The following FUT9 variants were observed in gnomAD, a reference collection of about 807,000 sequenced individuals.
FUT9 encodes 4-galactosyl-N-acetylglucosaminide 3-alpha-L-fucosyltransferase 9.
Under a neutral mutation model 29.7 loss-of-function variants are expected in FUT9, and 15 were observed. That is an observed-to-expected ratio of 0.51 (90% CI 0.34 to 0.78). The LOEUF is 0.78. Among genes scored for constraint, FUT9 ranks in the 30% least tolerant of loss-of-function variants. The pLI is 0.01. For synonymous variants in FUT9, 169 were observed against 153.7 expected (o/e 1.10, Z -0.74); for missense variants, 319 against 425.4 (o/e 0.75, Z 2.20).
rs1240815638 is a variant in FUT9 at position 96,212,972 on chromosome 6, G to C, written c.*8737G>C. 6.0e-6 allele frequency: 1 copy of C among 166,950 alleles called. No individual in the cohort carries two copies. Among genetic ancestry groups the C allele is most frequent in the African/African-American group, 2.4e-5 (1 of 41,450 alleles). 10.3% of individuals were successfully genotyped at this position (166,950 alleles called of 1,614,324 possible). On this transcript the variant is annotated 3_prime_UTR_variant, in exon 3 of 3. Transcript: ENST00000302103. Reference sequence around the variant, plus strand: ...CATAGATTTTTAATCTGTAAAAGGAGTGTGATGGACTGTACATTAGAAGTA... The same window carrying C: ...CATAGATTTTTAATCTGTAAAAGGACTGTGATGGACTGTACATTAGAAGTA...
At chr6:96,133,850 T>A (rs953816959) in intron 2 of FUT9, among the ~76,000 whole-genome samples, 2 of 151,972 alleles carry the variant, frequency 1.3e-5, no homozygotes, top group African/African-American at 2.4e-5. Flanking sequence ...TTCAAAGATA[T>A]ATTATTTATT....
intron 1 of FUT9, among the ~76,000 whole-genome samples, chr6:96,057,163 T>C (rs1409782594): frequency 6.6e-6 from 1 of 152,180 alleles, no homozygotes; most frequent in Non-Finnish European, 1.5e-5. Flanking sequence ...CCATCAGAAA[T>C]TAAGGGACAT....
chr6:96,146,989 T>G (rs1245771672), intron 2 of FUT9, among the ~76,000 whole-genome samples: 7 of 152,124 alleles, frequency 4.6e-5, no homozygotes, highest in Non-Finnish European at 1.5e-5. Flanking sequence ...ACACAAATGC[T>G]TCTCTTTCAG....
intron 2 of FUT9, among the ~76,000 whole-genome samples, chr6:96,182,545 T>C (rs1326893960): frequency 3.9e-5 from 6 of 152,124 alleles, no homozygotes; most frequent in Non-Finnish European, 7.4e-5. Flanking sequence ...TGAATTTTTA[T>C]AGTTTCAGGT....
At chr6:96,110,854 G>T in intron 1 of FUT9, among the ~76,000 whole-genome samples, 1 of 29,306 alleles carries the variant, frequency 3.4e-5, no homozygotes, top group East Asian at 1.3e-3. Flanking sequence ...GTAGAAACAG[G>T]GTCTAATTAT....
At chr6:96,142,284 A>G (rs1259053288) in intron 2 of FUT9, among the ~76,000 whole-genome samples, 1 of 152,222 alleles carries the variant, frequency 6.6e-6, no homozygotes, top group African/African-American at 2.4e-5. Flanking sequence ...GTAATCTCAT[A>G]TCTTGAGAAA....
chr6:96,046,642 C>T (rs904736998), intron 1 of FUT9, among the ~76,000 whole-genome samples: 3 of 151,990 alleles, frequency 2.0e-5, no homozygotes, highest in Admixed American at 6.6e-5. Flanking sequence ...CATGCCCCTT[C>T]CCACATGTGA....
chr6:96,147,202 C>T (rs2127975357), intron 2 of FUT9, among the ~76,000 whole-genome samples: 1 of 150,746 alleles, frequency 6.6e-6, no homozygotes, highest in East Asian at 2.0e-4. Flanking sequence ...CACTCTGTCG[C>T]CCAGGCTGGA....
chr6:96,191,834 C>T (rs1773516628), intron 2 of FUT9, among the ~76,000 whole-genome samples: 1 of 152,144 alleles, frequency 6.6e-6, no homozygotes, highest in Admixed American at 6.5e-5. Flanking sequence ...TCCAGCAGCA[C>T]ATCAAAAAGC....
chr6:96,173,061 T>C (rs1773141760), intron 2 of FUT9, among the ~76,000 whole-genome samples: 1 of 152,136 alleles, frequency 6.6e-6, no homozygotes, highest in Admixed American at 6.6e-5. Flanking sequence ...AATGCATTTC[T>C]TGTGAGGAAT....
intron 2 of FUT9, among the ~76,000 whole-genome samples, chr6:96,126,836 C>G (rs897945277): frequency 2.6e-5 from 4 of 152,000 alleles, no homozygotes; most frequent in African/African-American, 9.7e-5. Context: ...CATGGCCAGG[C>G]AGTGAATGAG....
intron 2 of FUT9, among the ~76,000 whole-genome samples, chr6:96,118,022 A>T (rs561683211): frequency 6.6e-6 from 1 of 152,182 alleles, no homozygotes; most frequent in East Asian, 1.9e-4. Context: ...CCTGGCCAAC[A>T]CAATGAAAAC....
chr6:96,201,171 G>T (rs1773720359), intron 2 of FUT9, among the ~76,000 whole-genome samples: 1 of 151,714 alleles, frequency 6.6e-6, no homozygotes, highest in African/African-American at 2.4e-5. Context: ...AGTTGTTGTT[G>T]TTTATGAATT....
At chr6:96,185,826 A>G in intron 2 of FUT9, among the ~76,000 whole-genome samples, 1 of 152,118 alleles carries the variant, frequency 6.6e-6, no homozygotes, top group East Asian at 1.9e-4. Context: ...TTGGTAAACT[A>G]AATATTCACA....
chr6:96,029,645 T>C lies in FUT9; in HGVS notation c.-98+13433T>C, dbSNP rs188447064. ...ATTATTTTGCACTTGATATTTGACA[T>C]TTAATTGACAAATTATAAGATATAC... is the stretch of plus-strand genomic sequence containing the variant. On this transcript the variant is annotated intron_variant, in intron 1 of 2. Transcript: ENST00000302103. Among the ~76,000 whole-genome samples the C allele has an allele frequency of 7.9e-5, 12 of 151,690 alleles. No homozygotes were observed. The East Asian group carries it at 1.4e-3, about 17-fold the overall frequency.
At chr6:96,180,455 T>C (rs1031506313) in intron 2 of FUT9, among the ~76,000 whole-genome samples, 1 of 152,060 alleles carries the variant, frequency 6.6e-6, no homozygotes. Context: ...CAGAAACCAG[T>C]GGATGGTCTT....
At chr6:96,031,976 T>C (rs866787933) in intron 1 of FUT9, among the ~76,000 whole-genome samples, 2 of 151,606 alleles carry the variant, frequency 1.3e-5, no homozygotes, top group East Asian at 3.9e-4. Context: ...CTTTCCAGTT[T>C]GCAGTTCTTC....
At chr6:96,130,294 AAT>A (rs1366941953) in intron 2 of FUT9, among the ~76,000 whole-genome samples, 1 of 152,106 alleles carries the variant, frequency 6.6e-6, no homozygotes, top group Non-Finnish European at 1.5e-5. Flanking sequence ...TAATTTTATA[AAT>A]ATTATAAGAA....
chr6:96,030,871 AT>A (rs1411207824), intron 1 of FUT9, among the ~76,000 whole-genome samples: 1 of 151,578 alleles, frequency 6.6e-6, no homozygotes, highest in Non-Finnish European at 1.5e-5. Flanking sequence ...TTTATACAAC[AT>A]TAAAAAAATA....
Sources: gnomAD v4.1 joint callset for allele counts (sites outside exome capture counted in the v4.1 genomes callset) on GRCh38, gnomAD v4.1.1 for gene constraint, MANE v1.5 for transcripts, NCBI Gene and HGNC (gene_info 2026-07-23, HGNC 2026-07-21) for gene names.